Variants in TLR6 observed in about 807,000 individuals in gnomAD.
TLR6 encodes the protein toll like receptor 6.
Under a neutral mutation model 16.1 loss-of-function variants are expected in TLR6, and 9 were observed. The observed-to-expected ratio is 0.56, with a 90% CI of 0.34 to 0.98. The LOEUF is 0.98. TLR6 is among the 50% of genes least tolerant of loss of function. TLR6 has a pLI of 0.02. For synonymous variants in TLR6, 340 were observed against 338.6 expected, an observed-to-expected ratio of 1.00 and a Z score of -0.04; for missense variants, 786 against 921.0, an observed-to-expected ratio of 0.85 and a Z score of 1.90.
chr4:38,858,856 A>T (rs1236833352), upstream of TLR6, among the ~76,000 whole-genome samples: 1 of 126,906 alleles, frequency 7.9e-6, no homozygotes, highest in African/African-American at 3.4e-5. Flanking sequence ...AGAAAGAAAG[A>T]AAGAAAGAAA....
the TLR6 span, among the ~76,000 whole-genome samples, chr4:38,863,849 C>A: frequency 6.6e-6 from 1 of 152,170 alleles, no homozygotes; most frequent in Non-Finnish European, 1.5e-5. Context: ...TGACTAGAGT[C>A]AGATACTAGA....
At chr4:38,823,103 G>A (rs1040711567), downstream of TLR6, among the ~76,000 whole-genome samples, 7 of 152,038 alleles carry the variant, frequency 4.6e-5, no homozygotes, top group African/African-American at 1.2e-4. Context: ...GAAAAGACCC[G>A]CCCCCATGAT....
chr4:38,860,535 T>TTAA (rs1553860174), upstream of TLR6, among the ~76,000 whole-genome samples: 8 of 133,520 alleles, frequency 6.0e-5, no homozygotes, highest in Admixed American at 1.5e-4. Context: ...TCTGCTGAAT[T>TTAA]AAAAAAAAAA....
In TLR6 at chr4:38,847,805, C is replaced by T. The variant is rs553741131; in HGVS notation, c.-65+8956G>A. 1.2e-3 allele frequency among the ~76,000 whole-genome samples: 178 copies of T among 152,334 alleles called. 1 individual carries two copies. The highest frequency in any genetic ancestry group is 4.1e-3 in the African/African-American group (171 of 41,570). ...GCCAGGAAGCTCAAACTGGGTGGAG[C>T]CCACCACAGCTCAAGGAGGCCTGCC... On this transcript the variant is annotated intron_variant, in intron 1 of 1. Transcript: ENST00000436693.
chr4:38,853,668 G>T (rs368217558), intron 1 of TLR6, among the ~76,000 whole-genome samples: 6 of 152,130 alleles, frequency 3.9e-5, no homozygotes, highest in African/African-American at 1.4e-4. Context: ...AGGCTGGAGT[G>T]CAGTGGCACA....
chr4:38,854,702 C>A (rs1331229258), intron 1 of TLR6, among the ~76,000 whole-genome samples: 1 of 152,048 alleles, frequency 6.6e-6, no homozygotes, highest in Admixed American at 6.5e-5. Flanking sequence ...ATATACCTTC[C>A]TTTATTTTAG....
At chr4:38,849,508 C>T (rs376647340) in intron 1 of TLR6, among the ~76,000 whole-genome samples, 4,700 of 152,080 alleles carry the variant, frequency 0.031, 217 homozygotes, top group African/African-American at 0.086. Flanking sequence ...TCAAGACCCA[C>T]CAGTGTGCTG....
chr4:38,848,098 G>A (rs1006158317), intron 1 of TLR6, among the ~76,000 whole-genome samples: 4 of 150,870 alleles, frequency 2.7e-5, no homozygotes, highest in African/African-American at 9.7e-5. Context: ...CCAGAGGAAC[G>A]ATCAGGCAGC....
At chr4:38,833,217 G>A (rs1711716067) in intron 1 of TLR6, among the ~76,000 whole-genome samples, 1 of 152,170 alleles carries the variant, frequency 6.6e-6, no homozygotes, top group Non-Finnish European at 1.5e-5. Flanking sequence ...TACTGCCACT[G>A]CAAGCATCCA....
chr4:38,823,928 G>A (rs865929801), exon 2 of TLR6: 1 of 152,352 alleles, frequency 6.6e-6, no homozygotes, highest in Non-Finnish European at 1.5e-5. Context: ...TAAACCTGGA[G>A]CCGGGTCGCC....
intron 1 of TLR6, among the ~76,000 whole-genome samples, chr4:38,850,692 T>A (rs1391995974): frequency 6.6e-6 from 1 of 152,164 alleles, no homozygotes; most frequent in Non-Finnish European, 1.5e-5. Context: ...AGAAGTTGAA[T>A]CCCTGAATAG....
intron 1 of TLR6, among the ~76,000 whole-genome samples, chr4:38,846,716 G>A (rs58682063): frequency 0.031 from 4,746 of 151,504 alleles, 219 homozygotes; most frequent in African/African-American, 0.087. Flanking sequence ...TAGAAATCTC[G>A]AGCTAAAAAC....
At chr4:38,865,990 T>C in the TLR6 span, among the ~76,000 whole-genome samples, 1 of 150,094 alleles carries the variant, frequency 6.7e-6, no homozygotes, top group African/African-American at 2.5e-5. Flanking sequence ...AACACAAAAA[T>C]TAGCCGGGTG....
At chr4:38,839,310 TAA>T (rs57901685) in intron 1 of TLR6, among the ~76,000 whole-genome samples, 2 of 151,642 alleles carry the variant, frequency 1.3e-5, no homozygotes, top group South Asian at 2.1e-4. Context: ...GATTTTTTTT[TAA>T]AAAAAATTAA....
chr4:38,856,097 G>A (rs1008151373), intron 1 of TLR6, among the ~76,000 whole-genome samples: 3 of 152,166 alleles, frequency 2.0e-5, no homozygotes, highest in African/African-American at 7.2e-5. Context: ...TCAAACTGAA[G>A]GTGGAAGGAC....
At chr4:38,848,649 T>C (rs1005453448) in intron 1 of TLR6, among the ~76,000 whole-genome samples, 7 of 152,238 alleles carry the variant, frequency 4.6e-5, no homozygotes, top group Non-Finnish European at 8.8e-5. Flanking sequence ...TTTCAGTAGC[T>C]GATTTGATCA....
chr4:38,868,060 T>G, the TLR6 span: 2 of 389,940 alleles, frequency 5.1e-6, no homozygotes, highest in Admixed American at 2.7e-5. Context: ...GGCGTGTGAG[T>G]GTGTGTGTGT....
exon 2 of TLR6, chr4:38,827,114 A>T (rs775352343): frequency 6.3e-7 from 1 of 1,594,384 alleles, no homozygotes; most frequent in African/African-American, 1.4e-5. Flanking sequence ...TTCAGTGACT[A>T]GTGTTAATTT....
At chr4:38,848,555 T>A (rs1712634432) in intron 1 of TLR6, among the ~76,000 whole-genome samples, 1 of 152,194 alleles carries the variant, frequency 6.6e-6, no homozygotes, top group Non-Finnish European at 1.5e-5. Context: ...AATGGCTAGC[T>A]AGAATAAGCA....
Sources: allele counts gnomAD v4.1 joint callset (sites outside exome capture counted in the v4.1 genomes callset), GRCh38; gene constraint gnomAD v4.1.1; transcripts MANE v1.5; gene names NCBI Gene and HGNC (gene_info 2026-07-23, HGNC 2026-07-21).